PCDHGB2: variants seen among roughly 807,000 people sequenced by gnomAD.
PCDHGB2 encodes protocadherin gamma-B2.
Under a neutral mutation model 59.3 loss-of-function variants are expected in PCDHGB2, and 55 were observed. The observed-to-expected ratio is 0.93, with a 90% CI of 0.75 to 1.16. The LOEUF (loss-of-function observed/expected upper bound fraction) is 1.16. Ranked by LOEUF, PCDHGB2 falls within the 50% of genes most tolerant of loss-of-function variation. The pLI, the probability that PCDHGB2 is intolerant of heterozygous loss-of-function variation, is 0.00. For missense variants in PCDHGB2, 1,228 were observed against 1,198.5 expected (o/e 1.02, Z -0.36); for synonymous variants, 516 against 512.0 (o/e 1.01, Z -0.11).
intron 1 of PCDHGB2, chr5:141,415,740 G>GTTTTTTTTTTTTTTTTTTT (rs57426385): frequency 1.1e-5 from 7 of 625,046 alleles, no homozygotes; most frequent in Admixed American, 7.1e-5. Context: ...GTTTATTAAG[G>GTTTTTTTTTTTTTTTTTTT]TTTTTTTTTT....
intron 1 of PCDHGB2, chr5:141,370,873 C>T: frequency 6.2e-7 from 1 of 1,614,064 alleles, no homozygotes; most frequent in Non-Finnish European, 8.5e-7. Flanking sequence ...GCGCAAGATC[C>T]TGATGTAGGT....
chr5:141,454,893 C>T (rs1414320972), intron 1 of PCDHGB2, among the ~76,000 whole-genome samples: 7 of 146,892 alleles, frequency 4.8e-5, no homozygotes, highest in Admixed American at 1.4e-4. Flanking sequence ...CTGCTAGCAC[C>T]GCCTCCCGGG....
chr5:141,509,595 C>T (rs968797923), intron 3 of PCDHGB2, among the ~76,000 whole-genome samples: 36 of 152,168 alleles, frequency 2.4e-4, no homozygotes, highest in African/African-American at 6.8e-4. Context: ...CTGGCAATTC[C>T]GAGAGGCTGC....
chr5:141,428,949 G>T (rs2097173007), intron 1 of PCDHGB2: 1 of 152,034 alleles, frequency 6.6e-6, no homozygotes, highest in Admixed American at 6.6e-5. Flanking sequence ...CTGCCTTCCG[G>T]GTTCTGGCCA....
chr5:141,364,432 G>C (rs763376851), intron 1 of PCDHGB2: 3 of 1,613,796 alleles, frequency 1.9e-6, no homozygotes, highest in Non-Finnish European at 8.5e-7. Context: ...TCCGCTACTC[G>C]ATGCCGGAGG....
intron 1 of PCDHGB2, among the ~76,000 whole-genome samples, chr5:141,473,096 G>A (rs1007912058): frequency 9.9e-5 from 15 of 152,058 alleles, no homozygotes; most frequent in African/African-American, 3.6e-4. Context: ...ACTGTGAGTT[G>A]TATTACCACA....
Position 141,360,423 on chromosome 5 carries a change from C to T in PCDHGB2, c.288C>T (p.Cys96=). Residue 96 remains cysteine (C), a synonymous_variant, in exon 1 of 4, where the codon TGC becomes TGT. Transcript: ENST00000522605. ...VSDRIDREQI[C]GKQPLCVLDF... ...ACAGAATAGACCGAGAACAGATATG[C>T]GGGAAGCAGCCTCTGTGTGTTCTGG... The T allele has an allele frequency of 6.2e-7, 1 of 1,613,908 alleles. No homozygotes were observed. The highest frequency in any genetic ancestry group is 8.5e-7 in the Non-Finnish European group (1 of 1,179,884).
At chr5:141,364,328 G>A in intron 1 of PCDHGB2, 1 of 1,530,786 alleles carries the variant, frequency 6.5e-7, no homozygotes. Context: ...CAGAGAGAAG[G>A]CAATGGCGAG....
chr5:141,501,475 G>A (rs1305778190), intron 2 of PCDHGB2, among the ~76,000 whole-genome samples: 5 of 152,014 alleles, frequency 3.3e-5, no homozygotes, highest in Admixed American at 3.3e-4. Flanking sequence ...AATCCTGGAA[G>A]AGTCCCTCAT....
chr5:141,370,689 A>G (rs1275146563), intron 1 of PCDHGB2: 1 of 1,613,814 alleles, frequency 6.2e-7, no homozygotes, highest in East Asian at 2.2e-5. Context: ...TTGTGGCAAG[A>G]AGTCGACGTG....
rs554119295 is a variant in PCDHGB2 at position 141,482,963 on chromosome 5, C to T, written c.2422-11844C>T. 1.7e-4 allele frequency among the ~76,000 whole-genome samples: 10 copies of T among 57,958 alleles called. No homozygotes were observed. In the South Asian group the frequency reaches 4.5e-3, roughly 26 times the overall value. 38.0% of individuals were successfully genotyped at this position (57,958 alleles called of 152,430 possible). On this transcript the variant is annotated intron_variant, in intron 1 of 3. Coordinates refer to ENST00000522605, the MANE Select transcript of PCDHGB2 (RefSeq NM_018923.3). The stretch of plus-strand genomic sequence containing the variant: ...TTGTGGGTGCCTGTAATTCCAGCTA[C>T]TTGAGCAGCTACTTGAGAGGTCGAG...
At chr5:141,383,657 A>G in intron 1 of PCDHGB2, 2 of 1,614,058 alleles carry the variant, frequency 1.2e-6, no homozygotes, top group Non-Finnish European at 1.7e-6. Context: ...ACTGTCCCCG[A>G]GAATGTGCCA....
Position 141,431,215 on chromosome 5 carries a change from C to T in PCDHGB2, c.2422-63592C>T, listed in dbSNP as rs1225114172. On this transcript the variant is annotated intron_variant, in intron 1 of 3. Transcript: ENST00000522605. The surrounding 1 kb of genome is among the most constrained non-coding windows in gnomAD (Gnocchi z 4.8). ...AAAATGCAGCCACTGAGATGCGGTT[C>T]CCTCTACCCCACGCCTGGGATCCGG... is the stretch of plus-strand genomic sequence containing the variant. 2.5e-6 allele frequency: 4 copies of T among 1,614,066 alleles called. No homozygotes were observed. The highest frequency in any genetic ancestry group is 1.3e-5 in the African/African-American group (1 of 74,942).
rs1321974739 is a variant in PCDHGB2, at chr5:141,432,755, G to A, written c.2422-62052G>A. The A allele has an allele frequency of 2.5e-6, 4 of 1,614,134 alleles. No individual in the cohort carries two copies. Among genetic ancestry groups the A allele is most frequent in the African/African-American group, 1.3e-5 (1 of 75,060 alleles). On this transcript the variant is annotated intron_variant, in intron 1 of 3. Coordinates refer to ENST00000522605, the MANE Select transcript of PCDHGB2 (RefSeq NM_018923.3). This position sits in a 1 kb window ranked among gnomAD's most constrained non-coding sequence, Gnocchi z 6.0. ...TGTCACGCTCACCGTGGCCGTGGCC[G>A]ACAGCATCCCCCAAGTCCTGGCGGA...
At chr5:141,384,447 G>T in intron 1 of PCDHGB2, 1 of 1,614,008 alleles carries the variant, frequency 6.2e-7, no homozygotes, top group African/African-American at 1.3e-5. Flanking sequence ...TCCTGTACGC[G>T]CTGCAATCCT....
chr5:141,492,833 C>T (rs951935267), intron 1 of PCDHGB2, among the ~76,000 whole-genome samples: 2 of 152,222 alleles, frequency 1.3e-5, no homozygotes, highest in African/African-American at 4.8e-5. Flanking sequence ...CCCTTCCTCC[C>T]GCAGGAAGTG....
Position 141,384,133 on chromosome 5 carries a change from C to G in PCDHGB2, c.2421+21577C>G, listed in dbSNP as rs770731491. The G allele has an allele frequency of 1.7e-5, 27 of 1,611,570 alleles. No homozygotes were observed. The highest frequency in any genetic ancestry group is 2.2e-5 in the Non-Finnish European group (26 of 1,178,832). ...ATTGGTCACAACCAAAAACTTGGACCGGGAAACACTCTCTTTGTATAACAT... is the reference window on the plus strand; with the variant it reads ...ATTGGTCACAACCAAAAACTTGGACGGGGAAACACTCTCTTTGTATAACAT... On this transcript the variant is annotated intron_variant, in intron 1 of 3. Coordinates refer to ENST00000522605, the MANE Select transcript of PCDHGB2 (RefSeq NM_018923.3).
At chr5:141,376,366 A>C in intron 1 of PCDHGB2, 1 of 1,614,206 alleles carries the variant, frequency 6.2e-7, no homozygotes, top group Non-Finnish European at 8.5e-7. Context: ...CACTCACTGC[A>C]GACTCGCGTA....
rs199519740 is a variant in PCDHGB2 at position 141,394,287 on chromosome 5, A to C, written c.2421+31731A>C. On this transcript the variant is annotated intron_variant, in intron 1 of 3. Transcript: ENST00000522605. ...GAATGCCCAGGTCACTTACTCTGTG[A>C]CCGAGGACACGCTGCAGGGGGCGCC... 122 of 1,613,772 alleles carry C rather than the reference A, an allele frequency of 7.6e-5. No individual in the cohort carries two copies. Among genetic ancestry groups the C allele is most frequent in the Non-Finnish European group, 9.6e-5 (113 of 1,179,878 alleles).
Sources: gnomAD v4.1 joint callset for allele counts (sites outside exome capture counted in the v4.1 genomes callset) on GRCh38, gnomAD v4.1.1 for gene constraint, Gnocchi (gnomAD v3.1) non-coding constraint, MANE v1.5 for transcripts, NCBI Gene and HGNC (gene_info 2026-07-23, HGNC 2026-07-21) for gene names.